RIMBP2: variants seen among roughly 807,000 people sequenced by gnomAD.
RIMBP2 encodes the protein RIMS binding protein 2.
Under a neutral mutation model 118.6 loss-of-function variants are expected in RIMBP2, and 48 were observed. The observed-to-expected ratio is 0.40, with a 90% CI of 0.32 to 0.51. RIMBP2 has a LOEUF of 0.51. Among genes scored for constraint, RIMBP2 ranks in the 20% least tolerant of loss-of-function variants. The pLI is 0.41. For missense variants in RIMBP2, 1,551 were observed against 1,768.3 expected (o/e 0.88, Z 2.20); for synonymous variants, 762 against 742.9 (o/e 1.03, Z -0.42).
intron 1 of RIMBP2, among the ~76,000 whole-genome samples, chr12:130,695,373 C>G (rs2065515524): frequency 6.6e-6 from 1 of 152,236 alleles, no homozygotes; most frequent in South Asian, 2.1e-4. Flanking sequence ...AAGTGACACA[C>G]TGTCTCAGAG....
chr12:130,531,069 T>C (rs1275875407), intron 2 of RIMBP2, among the ~76,000 whole-genome samples: 1 of 152,234 alleles, frequency 6.6e-6, no homozygotes, highest in Non-Finnish European at 1.5e-5. Context: ...TATTAGAAAA[T>C]GTGTCCTTAG....
chr12:130,404,699 A>G (rs1006658459), intron 21 of RIMBP2, among the ~76,000 whole-genome samples: 6 of 152,238 alleles, frequency 3.9e-5, no homozygotes, highest in African/African-American at 1.2e-4. Context: ...GGCGCATGCT[A>G]TGTCAGAATT....
chr12:130,562,801 C>A (rs1593809552), intron 2 of RIMBP2, among the ~76,000 whole-genome samples: 1 of 152,358 alleles, frequency 6.6e-6, no homozygotes, highest in East Asian at 1.9e-4. Flanking sequence ...AGCAAGCAAC[C>A]AAGTGCCTTC....
At chr12:130,629,664 G>A (rs932721579) in intron 1 of RIMBP2, among the ~76,000 whole-genome samples, 21 of 152,298 alleles carry the variant, frequency 1.4e-4, no homozygotes, top group African/African-American at 4.8e-4. Flanking sequence ...CAGGTAGGTG[G>A]ATGCTACCCC....
At chr12:130,481,331 G>A (rs12322776) in intron 4 of RIMBP2, among the ~76,000 whole-genome samples, 10,570 of 152,192 alleles carry the variant, frequency 0.069, 730 homozygotes, top group East Asian at 0.17. Context: ...TTTAACTGAG[G>A]GTGGGGAAAG....
chr12:130,413,388 G>A (rs1485714671), intron 18 of RIMBP2, among the ~76,000 whole-genome samples: 1 of 152,092 alleles, frequency 6.6e-6, no homozygotes, highest in African/African-American at 2.4e-5. Context: ...CCAGCACTTT[G>A]GGAGGCCAAG....
At chr12:130,398,901 T>C (rs2074263110) in intron 22 of RIMBP2, 1 of 292,518 alleles carries the variant, frequency 3.4e-6, no homozygotes, top group South Asian at 1.6e-4. Flanking sequence ...AGGAAATGAT[T>C]ATTAAAGATG....
chr12:130,500,813 C>T lies in RIMBP2; in HGVS notation c.-4+5835G>A, dbSNP rs142196003. On this transcript the variant is annotated intron_variant, in intron 4 of 22. Transcript: ENST00000690449. ...AGACGCGTCAGGTGCTAGATGAGAA[C>T]GGTGGCCACAGGATTTGGGAACAAA... Among the ~76,000 whole-genome samples, 458 of 152,246 alleles carry T rather than the reference C, an allele frequency of 3.0e-3. 1 individual carries two copies. The highest frequency in any genetic ancestry group is 5.3e-3 in the Non-Finnish European group (358 of 68,014).
At chr12:130,430,829 C>T (rs1448504125) in intron 14 of RIMBP2, among the ~76,000 whole-genome samples, 1 of 151,966 alleles carries the variant, frequency 6.6e-6, no homozygotes, top group African/African-American at 2.4e-5. Context: ...CGGAGTTTCA[C>T]CATGTTGGCC....
chr12:130,691,239 C>A lies in RIMBP2; in HGVS notation c.-352+24983G>T, dbSNP rs528874457. 3.0e-4 allele frequency among the ~76,000 whole-genome samples: 46 copies of A among 152,330 alleles called. 1 individual carries two copies. The South Asian group carries it at 9.5e-3, about 32-fold the overall frequency. On this transcript the variant is annotated intron_variant, in intron 1 of 22. Transcript: ENST00000690449. Reference sequence around the variant, plus strand: ...CCTGTGACTCCTAACACCTGCAACGCTGACCACAGCAACGGCTTCCTGGGA... The same window carrying A: ...CCTGTGACTCCTAACACCTGCAACGATGACCACAGCAACGGCTTCCTGGGA...
intron 17 of RIMBP2, among the ~76,000 whole-genome samples, chr12:130,417,448 A>G (rs1012370405): frequency 7.9e-5 from 12 of 152,232 alleles, no homozygotes; most frequent in Admixed American, 2.6e-4. Flanking sequence ...ACTGGAGGCC[A>G]TCATCCCAAG....
chr12:130,414,887 A>G (rs2076010388), intron 17 of RIMBP2, among the ~76,000 whole-genome samples: 1 of 152,110 alleles, frequency 6.6e-6, no homozygotes, highest in African/African-American at 2.4e-5. Flanking sequence ...GACACACACA[A>G]CCTCCCAGGA....
In RIMBP2 at chr12:130,620,080, A is replaced by C. The variant is rs2061208534; in HGVS notation, c.-217+8242T>G. 6.6e-6 allele frequency among the ~76,000 whole-genome samples: 1 copy of C among 152,106 alleles called. No homozygotes were observed. Among genetic ancestry groups the C allele is most frequent in the African/African-American group, 2.4e-5 (1 of 41,418 alleles). On this transcript the variant is annotated intron_variant, in intron 2 of 22. Coordinates refer to ENST00000690449, the MANE Select transcript of RIMBP2 (RefSeq NM_001393629.1). This position sits in a 1 kb window ranked among gnomAD's most constrained non-coding sequence, Gnocchi z 5.3. ...GGACCCCTGCGGCAACCGGTTGAAA[A>C]GGGCCTCCGAGGCAGTGGCTCACTC...
In RIMBP2 at chr12:130,434,161, T is replaced by C. The variant is rs745404531; in HGVS notation, c.2253+573A>G. Reference sequence around the variant, plus strand: ...TATTTAGCATTCCCCAGGCCCTCGGTTATTTCCAGTCCCTCCTGTTGTCCA... The same window carrying C: ...TATTTAGCATTCCCCAGGCCCTCGGCTATTTCCAGTCCCTCCTGTTGTCCA... On this transcript the variant is annotated intron_variant, in intron 14 of 22. Coordinates refer to ENST00000690449, the MANE Select transcript of RIMBP2 (RefSeq NM_001393629.1). The surrounding 1 kb of genome is among the most constrained non-coding windows in gnomAD (Gnocchi z 5.7). Among the ~76,000 whole-genome samples the C allele has an allele frequency of 1.3e-5, 2 of 152,214 alleles. No individual in the cohort carries two copies. The highest frequency in any genetic ancestry group is 2.4e-5 in the African/African-American group (1 of 41,458).
At chr12:130,458,430 C>T (rs867444062) in intron 6 of RIMBP2, among the ~76,000 whole-genome samples, 5 of 152,204 alleles carry the variant, frequency 3.3e-5, no homozygotes, top group East Asian at 2.0e-4. Flanking sequence ...GGTGGGATGA[C>T]GACTTGGCTT....
chr12:130,438,335 A>ACCGGCCC, intron 12 of RIMBP2, 30 bp downstream of exon 12: 1 of 865,014 alleles, frequency 1.2e-6, no homozygotes, highest in East Asian at 2.8e-5. Flanking sequence ...GGCCTAACAA[A>ACCGGCCC]CCCTCCCCAC....
At chr12:130,663,692 C>T (rs761721644) in intron 1 of RIMBP2, among the ~76,000 whole-genome samples, 24 of 151,748 alleles carry the variant, frequency 1.6e-4, no homozygotes, top group Non-Finnish European at 2.9e-4. Flanking sequence ...TCCCCAGACG[C>T]CTCTGAGTGG....
intron 2 of RIMBP2, among the ~76,000 whole-genome samples, chr12:130,526,868 G>A (rs4759489): frequency 0.44 from 67,111 of 151,916 alleles, 15,365 homozygotes; most frequent in Admixed American, 0.51. Context: ...GGCTTCATAA[G>A]TGGTTCTAGC....
chr12:130,633,191 A>G (rs2062111429), intron 1 of RIMBP2, among the ~76,000 whole-genome samples: 1 of 152,228 alleles, frequency 6.6e-6, no homozygotes, highest in Non-Finnish European at 1.5e-5. Context: ...CTACAATTAT[A>G]TCTATTGTCT....
Sources: allele counts gnomAD v4.1 joint callset (sites outside exome capture counted in the v4.1 genomes callset), GRCh38; gene constraint gnomAD v4.1.1; non-coding constraint Gnocchi (gnomAD v3.1); transcripts MANE v1.5; gene names NCBI Gene and HGNC (gene_info 2026-07-23, HGNC 2026-07-21).